PRPF38B: variants seen among roughly 807,000 people sequenced by gnomAD.
PRPF38B encodes the protein pre-mRNA-splicing factor 38B.
In PRPF38B, 18 loss-of-function variants were observed where a neutral mutation model predicts 67.2. The observed-to-expected ratio is 0.27, with a 90% CI of 0.19 to 0.40. PRPF38B has a LOEUF of 0.40. Ranked by LOEUF, PRPF38B falls within the 10% of genes least tolerant of loss-of-function variation. PRPF38B has a pLI of 1.00. For synonymous variants in PRPF38B, 246 were observed against 234.2 expected (o/e 1.05, Z -0.46); for missense variants, 544 against 684.9 (o/e 0.79, Z 2.30).
chr1:108,696,662 G>C, intron 4 of PRPF38B: 1 of 708,366 alleles, frequency 1.4e-6, no homozygotes, highest in Non-Finnish European at 2.6e-6. Flanking sequence ...GATGGGGCAT[G>C]CTCAAGATCG....
chr1:108,692,915 G>T, intron 1 of PRPF38B, 48 bp downstream of exon 1: 1 of 1,560,398 alleles, frequency 6.4e-7, no homozygotes, highest in Non-Finnish European at 8.7e-7. Flanking sequence ...CGGAAGAGGG[G>T]GTATGGAGGA....
Position 108,696,180 on chromosome 1 carries a change from A to T in PRPF38B, c.483A>T (p.Gly161=), listed in dbSNP as rs1220668701. The T allele has an allele frequency of 1.9e-6, 3 of 1,613,650 alleles. No individual in the cohort carries two copies. Among genetic ancestry groups the T allele is most frequent in the Admixed American group, 3.3e-5 (2 of 59,982 alleles). The change falls in exon 3 of 6, where the codon GGA becomes GGT. Residue 161 remains glycine, a synonymous_variant. Transcript: ENST00000370025. The part of the protein sequence containing the change: ...HTDSPYIRAL[G]FMYIRYTQPP... ...ACTCTCCATATATTAGAGCGCTTGGATTTATGTATATAAGGTGAGCGTACA... is the reference window on the plus strand; with the variant it reads ...ACTCTCCATATATTAGAGCGCTTGGTTTTATGTATATAAGGTGAGCGTACA...
chr1:108,694,333 CA>C (rs1480427383), intron 1 of PRPF38B, among the ~76,000 whole-genome samples: 2 of 152,068 alleles, frequency 1.3e-5, no homozygotes, highest in Non-Finnish European at 2.9e-5. Flanking sequence ...CTAACATAGG[CA>C]AAATGTTAAT....
chr1:108,697,013 T>C (rs1331915312), intron 4 of PRPF38B: 1 of 481,460 alleles, frequency 2.1e-6, no homozygotes, highest in Non-Finnish European at 3.7e-6. Flanking sequence ...GTGGCTCACA[T>C]TGTAATCCCA....
rs1468649466 is a variant in PRPF38B, at chr1:108,700,343, A to G, written c.*323A>G. The G allele has an allele frequency of 1.4e-5, 3 of 217,946 alleles. No homozygotes were observed. The highest frequency in any genetic ancestry group is 8.9e-6 in the Non-Finnish European group (1 of 112,228). 13.5% of individuals were successfully genotyped at this position (217,946 alleles called of 1,614,324 possible). ...TTGCCATGTTGGTTAAATTTGTATA[A>G]GGCAATAAACTGCCACTAATCTATT... On this transcript the variant is annotated 3_prime_UTR_variant, in exon 6 of 6. Coordinates refer to ENST00000370025, the MANE Select transcript of PRPF38B (RefSeq NM_018061.4).
intron 1 of PRPF38B, among the ~76,000 whole-genome samples, chr1:108,693,122 T>TG (rs1354167703): frequency 6.6e-6 from 1 of 152,098 alleles, no homozygotes; most frequent in African/African-American, 2.4e-5. Context: ...TGCCCACCCC[T>TG]GGGGGGAGTT....
Position 108,692,597 on chromosome 1 carries a change from TAAC to T in PRPF38B, c.11_13del (p.Asn4del), listed in dbSNP as rs1369602379. The T allele has an allele frequency of 7.0e-7, 1 of 1,420,178 alleles. No homozygotes were observed. Among genetic ancestry groups the T allele is most frequent in the Non-Finnish European group, 9.4e-7 (1 of 1,067,478 alleles). 88.0% of individuals were successfully genotyped at this position (1,420,178 alleles called of 1,614,324 possible). On this transcript the variant is annotated inframe_deletion, in exon 1 of 6. Transcript: ENST00000370025. The stretch of plus-strand genomic sequence containing the variant: ...CTCCTTCCTTCCGCCGCAACATGGC[TAAC>T]AACAGCCCCGCGCTGACAGGCAACT...
At chr1:108,699,074 A>G in intron 5 of PRPF38B, 88 bp from the exon 6 acceptor site, 2 of 1,518,234 alleles carry the variant, frequency 1.3e-6, no homozygotes, top group African/African-American at 1.4e-5. Flanking sequence ...GAGGACATGA[A>G]TAAATAATGC....
intron 4 of PRPF38B, 169 bp downstream of exon 4, chr1:108,696,506 T>A: frequency 1.6e-6 from 1 of 634,954 alleles, no homozygotes. Context: ...GGCTTTTATG[T>A]ATTTTAGGGT....
Position 108,696,539 on chromosome 1 carries a change from T to C in PRPF38B, c.558+202T>C, listed in dbSNP as rs1321110304. The C allele has an allele frequency of 1.5e-5, 9 of 614,638 alleles. No individual in the cohort carries two copies. The East Asian group carries it at 2.0e-4, about 13-fold the overall frequency. The allele number at this position is 614,638 out of a possible 1,614,324, so 38.1% of individuals were successfully genotyped here. On this transcript the variant is annotated intron_variant, in intron 4 of 5. Transcript: ENST00000370025. Reference sequence around the variant, plus strand: ...GGTAAATTTCTGAAGTTTTATTTTCTTGTTTTAAAATTGTTTAAATGTGTT... The same window carrying C: ...GGTAAATTTCTGAAGTTTTATTTTCCTGTTTTAAAATTGTTTAAATGTGTT...
Position 108,699,701 on chromosome 1 carries a change from G to C in PRPF38B, c.1322G>C (p.Ser441Thr). The change falls in exon 6 of 6, where the codon AGT becomes ACT. Residue 441 changes from serine (S) to threonine (T), a missense_variant. Transcript: ENST00000370025. ...RERKHRSRSRSRNAGKRSRSR... is the reference protein window; with the variant it reads ...RERKHRSRSRTRNAGKRSRSR... ...AGGAAACACAGAAGTAGGAGTCGAA[G>C]TAGAAATGCAGGGAAACGAAGTAGA... 1 of 1,609,270 alleles carries C rather than the reference G, an allele frequency of 6.2e-7. No individual in the cohort carries two copies. Among genetic ancestry groups the C allele is most frequent in the Non-Finnish European group, 8.5e-7 (1 of 1,177,308 alleles).
rs1275790997 is a variant in PRPF38B at position 108,692,590 on chromosome 1, A to G, written c.-2A>G. On this transcript the variant is annotated 5_prime_UTR_variant, in exon 1 of 6. Transcript: ENST00000370025. ...TCCCTCCCTCCTTCCTTCCGCCGCA[A>G]CATGGCTAACAACAGCCCCGCGCTG... 6.4e-7 allele frequency: 1 copy of G among 1,568,476 alleles called. No homozygotes were observed. Among genetic ancestry groups the G allele is most frequent in the Non-Finnish European group, 8.6e-7 (1 of 1,158,744 alleles).
In PRPF38B at chr1:108,692,998, C is replaced by T. The variant is rs576077125; in HGVS notation, c.276+131C>T. The T allele has an allele frequency of 2.4e-4, 292 of 1,192,422 alleles. 4 individuals are homozygous for T. In the African/African-American group the frequency reaches 3.9e-3, roughly 16 times the overall value. The allele number at this position is 1,192,422 out of a possible 1,614,324, so 73.9% of individuals were successfully genotyped here. On this transcript the variant is annotated intron_variant, in intron 1 of 5. Transcript: ENST00000370025. ...AGGTGGTTCGGCGGAGGGGTGGCTGCGGCCTGTAGTGTGTCTGGGAGGGGT... is the reference window on the plus strand; with the variant it reads ...AGGTGGTTCGGCGGAGGGGTGGCTGTGGCCTGTAGTGTGTCTGGGAGGGGT...
rs1660488061 is a variant in PRPF38B at position 108,701,422 on chromosome 1, T to C, written c.*1402T>C. On this transcript the variant is annotated 3_prime_UTR_variant, in exon 6 of 6. Coordinates refer to ENST00000370025, the MANE Select transcript of PRPF38B (RefSeq NM_018061.4). ...GTCAGTGGTTGTTACATGTGTCATT[T>C]GATTACTTTGTTCCATGTCAAAGAC... 1 of 152,328 alleles carries C rather than the reference T, an allele frequency of 6.6e-6. No individual in the cohort carries two copies. The highest frequency in any genetic ancestry group is 2.1e-4 in the South Asian group (1 of 4,828). The allele number at this position is 152,328 out of a possible 1,614,324, so 9.4% of individuals were successfully genotyped here.
chr1:108,693,142 G>A (rs568858179), intron 1 of PRPF38B, among the ~76,000 whole-genome samples: 5 of 152,354 alleles, frequency 3.3e-5, no homozygotes, highest in Admixed American at 2.6e-4. Context: ...TGGGCAAGAG[G>A]GATGGGGGAG....
rs1660486689 is a variant in PRPF38B at position 108,701,409 on chromosome 1, T to TA, written c.*1390dup. On this transcript the variant is annotated 3_prime_UTR_variant, in exon 6 of 6. Transcript: ENST00000370025. ...GGCAGTTCCCTTTGTCAGTGGTTGT[T>TA]ACATGTGTCATTTGATTACTTTGTT... The TA allele has an allele frequency of 1.3e-5, 2 of 152,374 alleles. No homozygotes were observed. Among genetic ancestry groups the TA allele is most frequent in the African/African-American group, 4.8e-5 (2 of 41,468 alleles). The allele number at this position is 152,374 out of a possible 1,614,324, so 9.4% of individuals were successfully genotyped here. A position where few individuals can be genotyped will look rare whatever the true frequency, so the allele number is the denominator to read the frequency against.
At chr1:108,696,719 T>C (rs542774878) in intron 4 of PRPF38B, 2 of 716,706 alleles carry the variant, frequency 2.8e-6, no homozygotes, top group East Asian at 5.4e-5. Flanking sequence ...TGTAGCTTTT[T>C]TTTCTTCTGG....
intron 1 of PRPF38B, 22 bp downstream of exon 1, chr1:108,692,889 G>A: frequency 6.3e-7 from 1 of 1,596,396 alleles, no homozygotes; most frequent in Non-Finnish European, 8.6e-7. Flanking sequence ...GTAGGCCTTG[G>A]CTTTGGGGGT....
At chr1:108,696,415 A>G in intron 4 of PRPF38B, 78 bp downstream of exon 4, 3 of 1,320,208 alleles carry the variant, frequency 2.3e-6, no homozygotes, top group Non-Finnish European at 3.2e-6. Flanking sequence ...TTGGTGGTTT[A>G]ATGTCTTCAA....
Sources: gnomAD v4.1 joint callset for allele counts (sites outside exome capture counted in the v4.1 genomes callset) on GRCh38, gnomAD v4.1.1 for gene constraint, MANE v1.5 for transcripts, NCBI Gene and HGNC (gene_info 2026-07-23, HGNC 2026-07-21) for gene names.